Variants in MAPDA observed in about 807,000 individuals in gnomAD.
MAPDA encodes N6,N6-dimethyl-AMP deaminase.
the MAPDA span, chr15:43,351,449 C>T: frequency 2.6e-6 from 1 of 390,186 alleles, no homozygotes; most frequent in East Asian, 4.7e-5. Flanking sequence ...AACTGATGCT[C>T]TGCACCCATC....
At chr15:43,341,577 G>A in the MAPDA span, among the ~76,000 whole-genome samples, 5 of 151,948 alleles carry the variant, frequency 3.3e-5, no homozygotes, top group Admixed American at 2.0e-4. Context: ...AGTGGCTCAT[G>A]CCTGTAATTC....
the MAPDA span, among the ~76,000 whole-genome samples, chr15:43,350,665 T>C: frequency 7.2e-5 from 11 of 152,118 alleles, no homozygotes; most frequent in African/African-American, 2.7e-4. Context: ...CTCTTTCCTC[T>C]CTATTTTGGT....
chr15:43,335,047 A>G, the MAPDA span: 59 of 1,530,786 alleles, frequency 3.9e-5, no homozygotes, highest in East Asian at 1.3e-3. Flanking sequence ...ACTGACTGAA[A>G]TACATCATAT....
the MAPDA span, chr15:43,334,956 C>T: frequency 1.7e-6 from 1 of 577,754 alleles, no homozygotes; most frequent in East Asian, 3.4e-5. Flanking sequence ...TGAAGCTGAA[C>T]CCAGATCTAC....
chr15:43,336,064 C>G, the MAPDA span, among the ~76,000 whole-genome samples: 1 of 152,038 alleles, frequency 6.6e-6, no homozygotes, highest in African/African-American at 2.4e-5. Context: ...TTTTTTGAGA[C>G]AGGATCTCAC....
the MAPDA span, among the ~76,000 whole-genome samples, chr15:43,347,760 G>T: frequency 6.6e-6 from 1 of 152,068 alleles, no homozygotes; most frequent in Non-Finnish European, 1.5e-5. Context: ...CACAGTTATT[G>T]TATTAAAGGG....
chr15:43,335,095 T>C, the MAPDA span: 1 of 1,613,518 alleles, frequency 6.2e-7, no homozygotes, highest in East Asian at 2.2e-5. Flanking sequence ...AGAATCATTT[T>C]TTTCCTGCTA....
chr15:43,336,261 T>C, the MAPDA span, among the ~76,000 whole-genome samples: 5 of 152,110 alleles, frequency 3.3e-5, no homozygotes, highest in Admixed American at 1.3e-4. Context: ...CCCAGGCTGG[T>C]CTCAAACTCC....
At chr15:43,350,844 G>A in the MAPDA span, 7 of 1,091,072 alleles carry the variant, frequency 6.4e-6, no homozygotes, top group Admixed American at 1.5e-4. Flanking sequence ...CTTTAAATTA[G>A]CAAAATTTGG....
the MAPDA span, among the ~76,000 whole-genome samples, chr15:43,338,625 A>T: frequency 6.6e-6 from 1 of 152,332 alleles, no homozygotes; most frequent in South Asian, 2.1e-4. Context: ...ATTGTGATGT[A>T]CTTTGTCTGG....
the MAPDA span, chr15:43,351,277 G>T: frequency 2.4e-6 from 1 of 413,524 alleles, no homozygotes; most frequent in Non-Finnish European, 4.4e-6. Flanking sequence ...AGTGAGCAGA[G>T]ATCATGCCAT....
chr15:43,342,134 C>T, the MAPDA span, among the ~76,000 whole-genome samples: 10 of 152,194 alleles, frequency 6.6e-5, no homozygotes, highest in Admixed American at 6.5e-4. Flanking sequence ...CCACCACACC[C>T]TATTTTTATT....
chr15:43,346,106 G>A, the MAPDA span: 2 of 1,306,186 alleles, frequency 1.5e-6, no homozygotes, highest in Non-Finnish European at 2.1e-6. Context: ...TGTGGATGAA[G>A]GCCTGTTCTG....
the MAPDA span, chr15:43,342,924 G>A: frequency 8.8e-7 from 1 of 1,134,762 alleles, no homozygotes. Flanking sequence ...TGTTCATATA[G>A]GATTGCTGAA....
the MAPDA span, chr15:43,347,135 A>G: frequency 1.3e-6 from 2 of 1,481,628 alleles, no homozygotes; most frequent in Middle Eastern, 1.7e-4. Context: ...GACAGATTGT[A>G]ATAGAAAATA....
chr15:43,338,102 T>C, the MAPDA span, among the ~76,000 whole-genome samples: 55 of 152,252 alleles, frequency 3.6e-4, no homozygotes, highest in Non-Finnish European at 7.3e-4. Flanking sequence ...TTTAATACTC[T>C]ATGGGTATAT....
chr15:43,331,921 G>A, the MAPDA span: 2 of 152,232 alleles, frequency 1.3e-5, no homozygotes, highest in African/African-American at 2.4e-5. Context: ...TACTGCACAT[G>A]CGTGTTGGTC....
chr15:43,335,456 C>T, the MAPDA span, among the ~76,000 whole-genome samples: 1 of 152,112 alleles, frequency 6.6e-6, no homozygotes. Flanking sequence ...ATCGCTTGAA[C>T]CCAGGAATCG....
chr15:43,336,400 G>A, the MAPDA span, among the ~76,000 whole-genome samples: 3 of 152,048 alleles, frequency 2.0e-5, no homozygotes, highest in Admixed American at 6.5e-5. Flanking sequence ...CATGTCAGGT[G>A]TGGGTTGGAG....
Sources: allele counts gnomAD v4.1 joint callset (sites outside exome capture counted in the v4.1 genomes callset), GRCh38; gene constraint gnomAD v4.1.1; transcripts MANE v1.5; gene names NCBI Gene and HGNC (gene_info 2026-07-23, HGNC 2026-07-21).